The following HPSE variants were observed in gnomAD, a reference collection of about 807,000 sequenced individuals.
HPSE encodes the protein heparanase.
A neutral mutation model predicts 65.1 loss-of-function variants in HPSE; 48 were observed. That is an observed-to-expected ratio of 0.74 (90% CI 0.58 to 0.94). The LOEUF (loss-of-function observed/expected upper bound fraction) is 0.94, where lower values mean the gene tolerates loss of function less well. HPSE is among the 40% of genes least tolerant of loss of function. The pLI is 0.00. For synonymous variants in HPSE, 243 were observed against 260.0 expected, an observed-to-expected ratio of 0.93 and a Z score of 0.63; for missense variants, 644 against 637.5, an observed-to-expected ratio of 1.01 and a Z score of -0.11.
chr4:83,302,281 G>A lies in HPSE; in HGVS notation c.1207-13C>T. ...ATAGCCAATAATCCTAGTTGTGGTGGTTGGGGAGAAAGAGACAAAAATAGA... is the reference window on the plus strand; with the variant it reads ...ATAGCCAATAATCCTAGTTGTGGTGATTGGGGAGAAAGAGACAAAAATAGA... On this transcript the variant is annotated splice_polypyrimidine_tract_variant and intron_variant, in intron 9 of 11. Transcript: ENST00000311412. 6.4e-7 allele frequency: 1 copy of A among 1,564,336 alleles called. No homozygotes were observed. Among genetic ancestry groups the A allele is most frequent in the Non-Finnish European group, 8.8e-7 (1 of 1,136,264 alleles).
At chr4:83,329,737 T>TA (rs1195222460) in intron 1 of HPSE, among the ~76,000 whole-genome samples, 1 of 151,986 alleles carries the variant, frequency 6.6e-6, no homozygotes, top group Non-Finnish European at 1.5e-5. Flanking sequence ...TTATCTGTTA[T>TA]AAAAAAATGT....
chr4:83,320,195 G>A (rs1736832319), intron 2 of HPSE, among the ~76,000 whole-genome samples: 1 of 152,164 alleles, frequency 6.6e-6, no homozygotes, highest in Admixed American at 6.5e-5. Context: ...GGTAGGATGG[G>A]TGGGAACCGT....
intron 8 of HPSE, among the ~76,000 whole-genome samples, chr4:83,307,857 A>T (rs1736202146): frequency 6.6e-6 from 1 of 152,242 alleles, no homozygotes; most frequent in Non-Finnish European, 1.5e-5. Flanking sequence ...ATGTGAGGAT[A>T]TAGCAGTATA....
chr4:83,292,480 T>C lies in HPSE; in HGVS notation c.*2864A>G, dbSNP rs1735585540. On this transcript the variant is annotated 3_prime_UTR_variant, in exon 12 of 12. Transcript: ENST00000311412. ...ACAATATCAAGATTATAAAAATTAC[T>C]TTATTTCAAATGTGAAAATATAAAA... The C allele has an allele frequency of 6.6e-6, 1 of 152,258 alleles. No individual in the cohort carries two copies. Among genetic ancestry groups the C allele is most frequent in the South Asian group, 2.1e-4 (1 of 4,834 alleles). The allele number at this position is 152,258 out of a possible 1,614,324, so 9.4% of individuals were successfully genotyped here. A position where few individuals can be genotyped will look rare whatever the true frequency, so the allele number is the denominator to read the frequency against.
Position 83,309,396 on chromosome 4 carries a change from T to C in HPSE, c.984+6A>G, listed in dbSNP as rs1316339628. 3 of 1,461,012 alleles carry C rather than the reference T, an allele frequency of 2.1e-6. No homozygotes were observed. Among genetic ancestry groups the C allele is most frequent in the Non-Finnish European group, 2.8e-6 (3 of 1,055,804 alleles). The allele number at this position is 1,461,012 out of a possible 1,614,324, so 90.5% of individuals were successfully genotyped here. A position where few individuals can be genotyped will look rare whatever the true frequency, so the allele number is the denominator to read the frequency against. ...TTTACATTAAAAAGTTTAAAAAGAC[T>C]ATTACCTGGAAAACTTTTTGCACAG... On this transcript the variant is annotated splice_donor_region_variant and intron_variant, in intron 7 of 11. Coordinates refer to ENST00000311412, the MANE Select transcript of HPSE (RefSeq NM_001098540.3).
intron 1 of HPSE, among the ~76,000 whole-genome samples, chr4:83,331,434 A>G (rs1325518371): frequency 6.6e-6 from 1 of 152,182 alleles, no homozygotes; most frequent in African/African-American, 2.4e-5. Context: ...AAAATTTAAA[A>G]TTACATATGA....
intron 4 of HPSE, among the ~76,000 whole-genome samples, chr4:83,312,632 G>T (rs112430541): frequency 8.2e-5 from 12 of 146,634 alleles, no homozygotes; most frequent in Admixed American, 7.5e-4. Context: ...GAGCCGAGAT[G>T]GCGCCACTGC....
At chr4:83,308,777 T>C (rs1267668053) in intron 8 of HPSE, 68 bp downstream of exon 8, 7 of 1,216,194 alleles carry the variant, frequency 5.8e-6, no homozygotes, top group African/African-American at 1.5e-5. Context: ...TGGGGAGCTA[T>C]TTCAGCAGAA....
rs1479252178 is a variant in HPSE at position 83,319,441 on chromosome 4, A to T, written c.402T>A (p.Pro134=). ...CCAACCGTAACTTCTCCTCCACATC[A>T]GGAGGGATGGATCCATATTTGCAAA... ...QDICKYGSIP[P]DVEEKLRLEW... The change falls in exon 3 of 12, where the codon CCT becomes CCA. Residue 134 remains proline (P), a synonymous_variant. Coordinates refer to ENST00000311412, the MANE Select transcript of HPSE (RefSeq NM_001098540.3). The T allele has an allele frequency of 6.2e-7, 1 of 1,613,384 alleles. No individual in the cohort carries two copies. Among genetic ancestry groups the T allele is most frequent in the African/African-American group, 1.3e-5 (1 of 74,996 alleles).
chr4:83,293,530 C>T lies in HPSE; in HGVS notation c.*1814G>A, dbSNP rs367653800. On this transcript the variant is annotated 3_prime_UTR_variant, in exon 12 of 12. Coordinates refer to ENST00000311412, the MANE Select transcript of HPSE (RefSeq NM_001098540.3). ...GAACGTCTAGTTATGTGGGAATATA[C>T]ATTTCCTTATTGCTTAAGCCATTTG... 5.3e-5 allele frequency: 8 copies of T among 152,206 alleles called. No homozygotes were observed. In the East Asian group the frequency reaches 1.5e-3, roughly 29 times the overall value. The allele number at this position is 152,206 out of a possible 1,614,324, so 9.4% of individuals were successfully genotyped here. A position where few individuals can be genotyped will look rare whatever the true frequency, so the allele number is the denominator to read the frequency against.
intron 2 of HPSE, among the ~76,000 whole-genome samples, chr4:83,320,488 C>G (rs553654494): frequency 6.6e-6 from 1 of 151,926 alleles, no homozygotes; most frequent in East Asian, 1.9e-4. Flanking sequence ...ATGCCTTGAG[C>G]CTGGGAGGCA....
intron 1 of HPSE, 106 bp from the exon 2 acceptor site, chr4:83,322,470 T>C (rs1182537702): frequency 1.1e-6 from 1 of 902,556 alleles, no homozygotes; most frequent in African/African-American, 1.7e-5. Context: ...AACATTTCCC[T>C]GTGCAGGACT....
intron 10 of HPSE, among the ~76,000 whole-genome samples, chr4:83,301,836 ATAT>A (rs2126183797): frequency 6.6e-6 from 1 of 152,326 alleles, no homozygotes; most frequent in Admixed American, 6.5e-5. Context: ...TTTGAAAATA[ATAT>A]TGTTGTTATT....
At chr4:83,310,661 G>A in intron 5 of HPSE, 61 bp downstream of exon 5, 3 of 1,457,170 alleles carry the variant, frequency 2.1e-6, no homozygotes, top group Middle Eastern at 3.6e-4. Context: ...GACAGAGTGA[G>A]ACTCTGTCTC....
At chr4:83,328,352 T>C (rs1435291039) in intron 1 of HPSE, among the ~76,000 whole-genome samples, 1 of 152,196 alleles carries the variant, frequency 6.6e-6, no homozygotes, top group Non-Finnish European at 1.5e-5. Flanking sequence ...ATTCTCCCTA[T>C]GTGCGTGTCT....
In HPSE at chr4:83,310,835, T is replaced by C. The variant is rs557241980; in HGVS notation, c.729A>G (p.Gly243=). 1 of 1,613,948 alleles carries C rather than the reference T, an allele frequency of 6.2e-7. No homozygotes were observed. The highest frequency in any genetic ancestry group is 1.1e-5 in the South Asian group (1 of 91,072). The change falls in exon 5 of 12, where the codon GGA becomes GGG. Residue 243 remains glycine (G), a synonymous_variant. Transcript: ENST00000311412. ...ADIFINGSQL[G]EDFIQLHKLL... is the part of the protein sequence containing the mutation. ...GTTTATGCAATTGAATAAAATCTTC[T>C]CCTAACTGCGACCCATTGATGAAAA...
rs200310127 is a variant in HPSE, at chr4:83,319,484, G to A, written c.374-15C>T. ...TTTGCAAATATCTGCAAGTGGAAGA[G>A]ATCATTTAGAAGGTCTGTTTTCACA... On this transcript the variant is annotated splice_polypyrimidine_tract_variant and intron_variant, in intron 2 of 11. Coordinates refer to ENST00000311412, the MANE Select transcript of HPSE (RefSeq NM_001098540.3). 12 of 1,612,174 alleles carry A rather than the reference G, an allele frequency of 7.4e-6. No individual in the cohort carries two copies. In the East Asian group the frequency reaches 2.7e-4, roughly 36 times the overall value.
At chr4:83,334,409 G>T in intron 1 of HPSE, 147 bp downstream of exon 1, 1 of 879,524 alleles carries the variant, frequency 1.1e-6, no homozygotes, top group Non-Finnish European at 1.7e-6. Flanking sequence ...GAGGGAGAAT[G>T]AGAGGCGGGA....
At chr4:83,303,724 A>G (rs1251101322) in intron 9 of HPSE, among the ~76,000 whole-genome samples, 1 of 151,912 alleles carries the variant, frequency 6.6e-6, no homozygotes, top group Non-Finnish European at 1.5e-5. Flanking sequence ...TAAGTTTTTG[A>G]TTTTTTGTTG....
Sources: gnomAD v4.1 joint callset for allele counts (sites outside exome capture counted in the v4.1 genomes callset) on GRCh38, gnomAD v4.1.1 for gene constraint, MANE v1.5 for transcripts, NCBI Gene and HGNC (gene_info 2026-07-23, HGNC 2026-07-21) for gene names.